The following TDRD15 variants were observed in gnomAD, a reference collection of about 807,000 sequenced individuals.
The protein encoded by TDRD15 is tudor domain-containing protein 15.
For synonymous variants in TDRD15, 503 were observed against 314.5 expected (o/e 1.60, Z -6.34); for missense variants, 1,416 against 904.7 (o/e 1.57, Z -7.25).
Position 21,142,498 on chromosome 2 carries a change from A to C in TDRD15, c.5031A>C (p.Glu1677Asp). The C allele has an allele frequency of 1.4e-6, 1 of 698,238 alleles. No individual in the cohort carries two copies. 43.3% of individuals were successfully genotyped at this position (698,238 alleles called of 1,614,324 possible). A position where few individuals can be genotyped will look rare whatever the true frequency, so the allele number is the denominator to read the frequency against. ...ATTTAGATGCTGTTTGGGAAGTAGA[A>C]ATTTTGGTAGATGACCTGTTACTTT... The part of the protein sequence containing the change: ...LKYLDAVWEV[E>D]ILVDDLLLLE... Residue 1677 changes from glutamate (E) to aspartate (D), a missense_variant, in exon 4 of 4, where the codon GAA (glutamate) becomes GAC (aspartate). Glu to Asp is a conservative substitution (Grantham distance 45). Transcript: ENST00000405799.
At chr2:21,136,802 C>T (rs1665815913) in intron 3 of TDRD15, among the ~76,000 whole-genome samples, 1 of 152,012 alleles carries the variant, frequency 6.6e-6, no homozygotes, top group Non-Finnish European at 1.5e-5. Flanking sequence ...TGTGGCCAGT[C>T]ATGCCAGTGA....
At chr2:21,124,714 A>C (rs2103432527) in intron 1 of TDRD15, among the ~76,000 whole-genome samples, 1 of 132,962 alleles carries the variant, frequency 7.5e-6, no homozygotes, top group South Asian at 2.5e-4. Flanking sequence ...TGTGTGTGAC[A>C]GAGTGATCCT....
chr2:21,145,747 T>C (rs1666020735), downstream of TDRD15, among the ~76,000 whole-genome samples: 1 of 151,986 alleles, frequency 6.6e-6, no homozygotes, highest in South Asian at 2.1e-4. Context: ...GCCTTTACTA[T>C]CTCAGCTCCT....
rs76798810 is a variant in TDRD15, at chr2:21,144,030, T to G, written c.*758T>G. ...ATCTTGCTATTATTAGTGAGCTTCC[T>G]GCGCTTATTTTGAAGAATCATTTTT... On this transcript the variant is annotated 3_prime_UTR_variant, in exon 4 of 4. Transcript: ENST00000405799. 7.2e-3 allele frequency among the ~76,000 whole-genome samples: 1,091 copies of G among 151,858 alleles called. 37 individuals carry two copies. In the East Asian group the frequency reaches 0.095, roughly 13 times the overall value.
rs70939068 is a variant in TDRD15 at position 21,124,817 on chromosome 2, GGTGTGT to G, written c.-201+789_-201+794del. ...TGTGACAGAGTGATCCTAATGCCAG[GGTGTGT>G]GTGTGTGTGTGTGTGTGACAGAGTG... On this transcript the variant is annotated intron_variant, in intron 1 of 3. Transcript: ENST00000405799. 1.9e-3 allele frequency among the ~76,000 whole-genome samples: 224 copies of G among 115,858 alleles called. 1 individual carries two copies. Among genetic ancestry groups the G allele is most frequent in the African/African-American group, 5.5e-3 (165 of 29,884 alleles). The allele number at this position is 115,858 out of a possible 152,430, so 76.0% of individuals were successfully genotyped here. A position where few individuals can be genotyped will look rare whatever the true frequency, so the allele number is the denominator to read the frequency against.
chr2:21,138,628 T>C lies in TDRD15; in HGVS notation c.1161T>C (p.Ile387=), dbSNP rs1164621103. 1 of 713,236 alleles carries C rather than the reference T, an allele frequency of 1.4e-6. No homozygotes were observed. The highest frequency in any genetic ancestry group is 2.7e-5 in the East Asian group (1 of 37,246). The allele number at this position is 713,236 out of a possible 1,614,324, so 44.2% of individuals were successfully genotyped here. A position where few individuals can be genotyped will look rare whatever the true frequency, so the allele number is the denominator to read the frequency against. The change falls in exon 4 of 4, where the codon ATT becomes ATC. Residue 387 remains isoleucine (I), a synonymous_variant. Coordinates refer to ENST00000405799, the MANE Select transcript of TDRD15 (RefSeq NM_001306137.2). ...TAGGACAAGTGGTATATGCACACAT[T>C]GATTGGTTCAATAAGGATGAGTGTT... ...ALLGQVVYAH[I]DWFNKDECLY...
In TDRD15 at chr2:21,142,227, A is replaced by T. The variant is rs1487677850; in HGVS notation, c.4760A>T (p.Asn1587Ile). ...KGLECLAKSKNTLKWHRSKVE... is the reference protein window; with the variant it reads ...KGLECLAKSKITLKWHRSKVE... The stretch of plus-strand genomic sequence containing the variant: ...TTAGAATGCTTGGCAAAATCTAAAA[A>T]TACCTTGAAATGGCATCGATCAAAA... The change falls in exon 4 of 4, where the codon AAT (asparagine) becomes ATT (isoleucine). Residue 1587 changes from asparagine to isoleucine, a missense_variant. By Grantham distance (149) the Asn-to-Ile change is moderately radical. Transcript: ENST00000405799. The T allele has an allele frequency of 1.4e-6, 1 of 693,700 alleles. No homozygotes were observed. Among genetic ancestry groups the T allele is most frequent in the East Asian group, 2.7e-5 (1 of 37,038 alleles). 43.0% of individuals were successfully genotyped at this position (693,700 alleles called of 1,614,324 possible).
rs1420858700 is a variant in TDRD15 at position 21,138,761 on chromosome 2, A to T, written c.1294A>T (p.Asn432Tyr). Residue 432 changes from asparagine to tyrosine, a missense_variant, in exon 4 of 4, where the codon AAT (asparagine) becomes TAT (tyrosine). Physicochemically the swap from Asn to Tyr is moderately radical, Grantham distance 143. Transcript: ENST00000405799. Reference sequence around the variant, plus strand: ...TCCGATGTCTGATTCAAAAATCTCCAATATCTTGAGTGAGACAAGTGTGTC... The same window carrying T: ...TCCGATGTCTGATTCAAAAATCTCCTATATCTTGAGTGAGACAAGTGTGTC... ...LCPMSDSKIS[N>Y]ILSETSVSDV... 1.4e-6 allele frequency: 1 copy of T among 715,640 alleles called. No individual in the cohort carries two copies. The highest frequency in any genetic ancestry group is 2.7e-5 in the East Asian group (1 of 37,226). The allele number at this position is 715,640 out of a possible 1,614,324, so 44.3% of individuals were successfully genotyped here.
rs1394661617 is a variant in TDRD15 at position 21,140,436 on chromosome 2, A to G, written c.2969A>G (p.Asp990Gly). 1.4e-6 allele frequency: 1 copy of G among 701,228 alleles called. No individual in the cohort carries two copies. The highest frequency in any genetic ancestry group is 2.7e-5 in the East Asian group (1 of 37,152). 43.4% of individuals were successfully genotyped at this position (701,228 alleles called of 1,614,324 possible). A position where few individuals can be genotyped will look rare whatever the true frequency, so the allele number is the denominator to read the frequency against. Reference protein sequence around the residue: ...FYCQLGRNNKDLEMIETKITE... With the variant: ...FYCQLGRNNKGLEMIETKITE... ...TGCCAGCTTGGCAGAAATAATAAAG[A>G]TCTAGAGATGATAGAAACAAAAATC... Residue 990 changes from aspartate to glycine, a missense_variant, in exon 4 of 4, where the codon GAT (aspartate) becomes GGT (glycine). Coordinates refer to ENST00000405799, the MANE Select transcript of TDRD15 (RefSeq NM_001306137.2).
At chr2:21,129,647 G>C (rs546870192) in intron 2 of TDRD15, among the ~76,000 whole-genome samples, 1 of 152,184 alleles carries the variant, frequency 6.6e-6, no homozygotes, top group South Asian at 2.1e-4. Flanking sequence ...CATTTTCAGG[G>C]TTGACTTTTC....
intron 1 of TDRD15, among the ~76,000 whole-genome samples, chr2:21,126,118 A>G (rs981139693): frequency 2.0e-5 from 3 of 152,300 alleles, no homozygotes; most frequent in Admixed American, 6.5e-5. Context: ...TGACACATGT[A>G]TACTCTATGA....
At position 21,142,098 on chromosome 2, in the gene TDRD15, T is replaced by G; in HGVS notation, c.4631T>G (p.Val1544Gly). 2 of 687,048 alleles carry G rather than the reference T, an allele frequency of 2.9e-6. No homozygotes were observed. The highest frequency in any genetic ancestry group is 5.3e-6 in the Non-Finnish European group (2 of 376,894). 42.6% of individuals were successfully genotyped at this position (687,048 alleles called of 1,614,324 possible). Reference sequence around the variant, plus strand: ...GTTTCAAAAAGTGGAAGATTTTATGTGAAGTTATCCAAAAATAAAAAAATT... The same window carrying G: ...GTTTCAAAAAGTGGAAGATTTTATGGGAAGTTATCCAAAAATAAAAAAATT... ...LNVSKSGRFYVKLSKNKKILS... is the reference protein window; with the variant it reads ...LNVSKSGRFYGKLSKNKKILS... Residue 1544 changes from valine (V) to glycine (G), a missense_variant, in exon 4 of 4, where the codon GTG becomes GGG. Val to Gly is a moderately radical substitution (Grantham distance 109). Transcript: ENST00000405799.
At chr2:21,126,327 T>C (rs312961) in intron 1 of TDRD15, among the ~76,000 whole-genome samples, 47,997 of 152,016 alleles carry the variant, frequency 0.32, 9,075 homozygotes, top group South Asian at 0.58. Flanking sequence ...ATAATTACTT[T>C]GAGAATCATC....
intron 1 of TDRD15, among the ~76,000 whole-genome samples, chr2:21,126,092 T>A (rs1175347784): frequency 6.6e-6 from 1 of 152,138 alleles, no homozygotes; most frequent in Non-Finnish European, 1.5e-5. Flanking sequence ...ATATTTGAAG[T>A]GTACAATTTG....
At chr2:21,126,116 G>A (rs563320882) in intron 1 of TDRD15, among the ~76,000 whole-genome samples, 4 of 152,204 alleles carry the variant, frequency 2.6e-5, no homozygotes, top group African/African-American at 9.6e-5. Context: ...TTTGACACAT[G>A]TATACTCTAT....
rs1665850174 is a variant in TDRD15 at position 21,138,262 on chromosome 2, A to G, written c.795A>G (p.Pro265=). ...ATTGTCAGTTAATTAAATGGACTCC[A>G]GAGCTAGAAAACTTGACAGCACATA... ...KFYCQLIKWT[P]ELENLTAHMT... Residue 265 remains proline, a synonymous_variant, in exon 4 of 4, where the codon CCA becomes CCG. Coordinates refer to ENST00000405799, the MANE Select transcript of TDRD15 (RefSeq NM_001306137.2). The G allele has an allele frequency of 2.8e-6, 2 of 716,312 alleles. No homozygotes were observed. Among genetic ancestry groups the G allele is most frequent in the Non-Finnish European group, 5.2e-6 (2 of 384,334 alleles). 44.4% of individuals were successfully genotyped at this position (716,312 alleles called of 1,614,324 possible).
intron 1 of TDRD15, among the ~76,000 whole-genome samples, chr2:21,125,972 C>T (rs776677721): frequency 6.6e-6 from 1 of 151,580 alleles, no homozygotes; most frequent in Non-Finnish European, 1.5e-5. Context: ...TTATTCTGTT[C>T]CTCCATTAAT....
At position 21,140,168 on chromosome 2, in the gene TDRD15, A is replaced by G. The variant is rs999963545; in HGVS notation, c.2701A>G (p.Ile901Val). ...TTCATCTAGAGGGTTATTGACTTGT[A>G]TCATCTATGCCTTAGTTATTATACA... Reference protein sequence around the residue: ...ISSSRGLLTCIIYALVIIHPN... With the variant: ...ISSSRGLLTCVIYALVIIHPN... Residue 901 changes from isoleucine (I) to valine (V), a missense_variant, in exon 4 of 4, where the codon ATC (isoleucine) becomes GTC (valine). Transcript: ENST00000405799. 7 of 715,654 alleles carry G rather than the reference A, an allele frequency of 9.8e-6. No individual in the cohort carries two copies. In the Admixed American group the frequency reaches 1.0e-4, roughly 10 times the overall value. 44.3% of individuals were successfully genotyped at this position (715,654 alleles called of 1,614,324 possible).
chr2:21,137,582 T>C lies in TDRD15; in HGVS notation c.115T>C (p.Cys39Arg), dbSNP rs79816652. 34 of 715,706 alleles carry C rather than the reference T, an allele frequency of 4.8e-5. No individual in the cohort carries two copies. The East Asian group carries it at 8.9e-4, about 19-fold the overall frequency. The allele number at this position is 715,706 out of a possible 1,614,324, so 44.3% of individuals were successfully genotyped here. A position where few individuals can be genotyped will look rare whatever the true frequency, so the allele number is the denominator to read the frequency against. Residue 39 changes from cysteine to arginine, a missense_variant, in exon 4 of 4, where the codon TGT becomes CGT. By Grantham distance (180) the Cys-to-Arg change is radical. Coordinates refer to ENST00000405799, the MANE Select transcript of TDRD15 (RefSeq NM_001306137.2). ...VKFQGIKSNE[C>R]EFDYHVLQRE... ...ATTTCAAGGCATAAAGAGTAATGAA[T>C]GTGAGTTTGACTACCATGTATTGCA...
Sources: gnomAD v4.1 joint callset for allele counts (sites outside exome capture counted in the v4.1 genomes callset) on GRCh38, gnomAD v4.1.1 for gene constraint, MANE v1.5 for transcripts, NCBI Gene and HGNC (gene_info 2026-07-23, HGNC 2026-07-21) for gene names.